The following FKBP5 variants were observed in gnomAD, a reference collection of about 807,000 sequenced individuals.
FKBP5 encodes the protein peptidyl-prolyl cis-trans isomerase FKBP5.
Under a neutral mutation model 50.5 loss-of-function variants are expected in FKBP5, and 23 were observed. The observed-to-expected ratio is 0.46, with a 90% confidence interval of 0.33 to 0.65. The LOEUF is 0.65. FKBP5 is among the 30% of genes least tolerant of loss of function. FKBP5 has a pLI of 0.02. For synonymous variants in FKBP5, 176 were observed against 190.6 expected (o/e 0.92, Z 0.63); for missense variants, 411 against 553.1 (o/e 0.74, Z 2.58).
intron 6 of FKBP5, among the ~76,000 whole-genome samples, chr6:35,595,188 T>C (rs915131272): frequency 6.6e-6 from 1 of 152,180 alleles, no homozygotes; most frequent in African/African-American, 2.4e-5. Context: ...AACAAACAGT[T>C]TAAATCTGTA....
At chr6:35,682,235 G>A (rs1765687659) in intron 1 of FKBP5, among the ~76,000 whole-genome samples, 1 of 152,138 alleles carries the variant, frequency 6.6e-6, no homozygotes, top group Admixed American at 6.6e-5. Context: ...TTTTAAAAAA[G>A]TTAAACATGG....
intron 2 of FKBP5, among the ~76,000 whole-genome samples, chr6:35,639,859 A>AT (rs1167869660): frequency 2.6e-5 from 4 of 152,230 alleles, no homozygotes. Flanking sequence ...CATCCTGGTA[A>AT]TATTCAGAAT....
chr6:35,634,283 C>A (rs560661675), intron 3 of FKBP5, among the ~76,000 whole-genome samples: 1 of 152,228 alleles, frequency 6.6e-6, no homozygotes, highest in African/African-American at 2.4e-5. Context: ...TGATGCCACA[C>A]CCATTCTGGC....
chr6:35,678,830 C>T (rs1765592163), intron 1 of FKBP5, among the ~76,000 whole-genome samples: 1 of 152,138 alleles, frequency 6.6e-6, no homozygotes, highest in Admixed American at 6.5e-5. Flanking sequence ...GCCTGTAATC[C>T]TAACACTCTG....
At chr6:35,669,500 T>A (rs1231707685) in intron 1 of FKBP5, among the ~76,000 whole-genome samples, 1 of 152,194 alleles carries the variant, frequency 6.6e-6, no homozygotes, top group Admixed American at 6.5e-5. Context: ...AAGTATCATA[T>A]ATATGTTTTC....
chr6:35,648,962 T>C (rs1215331760), intron 1 of FKBP5, among the ~76,000 whole-genome samples: 1 of 148,472 alleles, frequency 6.7e-6, no homozygotes, highest in East Asian at 2.0e-4. Flanking sequence ...AAAATAAAAA[T>C]AAAAAAAGGC....
chr6:35,687,254 T>C (rs2151013725), intron 1 of FKBP5, among the ~76,000 whole-genome samples: 1 of 152,330 alleles, frequency 6.6e-6, no homozygotes, highest in East Asian at 1.9e-4. Flanking sequence ...TGAGTATTAA[T>C]AACCCTCGTT....
chr6:35,696,423 G>A (rs376445671), intron 2 of FKBP5, among the ~76,000 whole-genome samples: 1 of 150,836 alleles, frequency 6.6e-6, no homozygotes, highest in African/African-American at 2.4e-5. Context: ...GAGGTGGGAG[G>A]ATTGCTTGAG....
At chr6:35,727,633 G>T (rs1041056623) in intron 1 of FKBP5, among the ~76,000 whole-genome samples, 1 of 152,198 alleles carries the variant, frequency 6.6e-6, no homozygotes, top group Non-Finnish European at 1.5e-5. Flanking sequence ...TCCTCCTGGG[G>T]ATTGCTTGAA....
In FKBP5 at chr6:35,642,287, A is replaced by G. The variant is rs927434747; in HGVS notation, c.105+433T>C. 3.3e-5 allele frequency among the ~76,000 whole-genome samples: 5 copies of G among 152,276 alleles called. No individual in the cohort carries two copies. The South Asian group carries it at 6.2e-4, about 19-fold the overall frequency. On this transcript the variant is annotated intron_variant, in intron 2 of 10. Coordinates refer to ENST00000357266, the MANE Select transcript of FKBP5 (RefSeq NM_004117.4). The stretch of plus-strand genomic sequence containing the variant: ...TAGCCCAGTCTCAATTTCAACATCT[A>G]TAATCTGGGATTAAAAATTAAAATC...
At chr6:35,705,977 G>T (rs1391171131) in intron 2 of FKBP5, among the ~76,000 whole-genome samples, 2 of 152,288 alleles carry the variant, frequency 1.3e-5, no homozygotes, top group African/African-American at 4.8e-5. Context: ...AGGTGTGGTG[G>T]CTTGCACCTG....
chr6:35,684,301 C>T (rs547605990), intron 1 of FKBP5, among the ~76,000 whole-genome samples: 4 of 152,020 alleles, frequency 2.6e-5, no homozygotes, highest in African/African-American at 9.6e-5. Flanking sequence ...ACCTCAGCCT[C>T]CCAAGTAGCT....
At chr6:35,691,092 C>T (rs1173208990), upstream of FKBP5, among the ~76,000 whole-genome samples, 3 of 152,124 alleles carry the variant, frequency 2.0e-5, no homozygotes, top group Non-Finnish European at 2.9e-5. Context: ...GTATATATGT[C>T]CCAACCCTCA....
At chr6:35,624,781 C>T (rs1763946170) in intron 3 of FKBP5, among the ~76,000 whole-genome samples, 1 of 152,162 alleles carries the variant, frequency 6.6e-6, no homozygotes, top group African/African-American at 2.4e-5. Context: ...AATATTCCTC[C>T]TAACACTCTT....
In FKBP5 at chr6:35,661,973, T is replaced by A. The variant is rs147718818; in HGVS notation, c.-19-19130A>T. ...CTAAAGTAATGCACATAAAGGGCTT[T>A]GTACAGTGCCTGTTACATGGTATAC... On this transcript the variant is annotated intron_variant, in intron 1 of 10. Transcript: ENST00000357266. Among the ~76,000 whole-genome samples the A allele has an allele frequency of 7.9e-5, 12 of 152,286 alleles. 4 individuals carry two copies. In the East Asian group the frequency reaches 2.3e-3, roughly 29 times the overall value.
intron 1 of FKBP5, among the ~76,000 whole-genome samples, chr6:35,667,876 A>G (rs1765274413): frequency 6.6e-6 from 1 of 152,180 alleles, no homozygotes; most frequent in Admixed American, 6.5e-5. Context: ...GAGGCAGAAG[A>G]ATCACTTGAA....
chr6:35,657,036 C>T (rs1004301065), intron 1 of FKBP5, among the ~76,000 whole-genome samples: 2 of 148,072 alleles, frequency 1.4e-5, no homozygotes, highest in African/African-American at 5.0e-5. Context: ...ACGGTGAAAC[C>T]CTGTCTCTAC....
intron 7 of FKBP5, 28 bp from the exon 8 acceptor site, chr6:35,587,145 G>C: frequency 6.3e-7 from 1 of 1,599,992 alleles, no homozygotes; most frequent in Non-Finnish European, 8.6e-7. Context: ...ACAATGGTTA[G>C]ATGAACAGAG....
At chr6:35,651,523 T>C (rs1764797839) in intron 1 of FKBP5, among the ~76,000 whole-genome samples, 1 of 152,140 alleles carries the variant, frequency 6.6e-6, no homozygotes, top group Non-Finnish European at 1.5e-5. Context: ...GGGTGACAGT[T>C]ATATGTTGGG....
Sources: allele counts gnomAD v4.1 joint callset (sites outside exome capture counted in the v4.1 genomes callset), GRCh38; gene constraint gnomAD v4.1.1; transcripts MANE v1.5; gene names NCBI Gene and HGNC (gene_info 2026-07-23, HGNC 2026-07-21).